The following C11orf65 variants were observed in gnomAD, a reference collection of about 807,000 sequenced individuals.
C11orf65 encodes chromosome 11 open reading frame 65.
Under a neutral mutation model 35.3 loss-of-function variants are expected in C11orf65, and 38 were observed. The ratio of observed to expected loss-of-function variants is 1.08; its 90% CI spans 0.83 to 1.41. The LOEUF (loss-of-function observed/expected upper bound fraction) is 1.41. C11orf65 is among the 40% of genes most tolerant of loss of function. C11orf65 has a pLI of 0.00. For missense variants in C11orf65, 370 were observed against 367.1 expected (o/e 1.01, Z -0.06); for synonymous variants, 105 against 114.4 (o/e 0.92, Z 0.53).
At chr11:108,335,898 T>G in intron 2 of C11orf65, 1 of 1,614,072 alleles carries the variant, frequency 6.2e-7, no homozygotes, top group Non-Finnish European at 8.5e-7. Flanking sequence ...TCCAGATGTG[T>G]AATACATTAC....
intron 6 of C11orf65, among the ~76,000 whole-genome samples, chr11:108,394,368 C>A (rs1390648002): frequency 6.6e-6 from 1 of 152,064 alleles, no homozygotes; most frequent in Non-Finnish European, 1.5e-5. Flanking sequence ...GAGTTTGAGG[C>A]CAGCCTGGGC....
chr11:108,449,135 G>A (rs2093310283), intron 2 of C11orf65, among the ~76,000 whole-genome samples: 1 of 152,076 alleles, frequency 6.6e-6, no homozygotes, highest in Non-Finnish European at 1.5e-5. Context: ...ATATAAAAGA[G>A]GATACAAACA....
At chr11:108,311,027 G>C (rs1341783055) in intron 6 of C11orf65, among the ~76,000 whole-genome samples, 1 of 152,182 alleles carries the variant, frequency 6.6e-6, no homozygotes, top group Non-Finnish European at 1.5e-5. Context: ...TGGTGCAGTG[G>C]TGCGATCATA....
At chr11:108,421,740 A>T (rs1381379871) in intron 3 of C11orf65, among the ~76,000 whole-genome samples, 1 of 152,212 alleles carries the variant, frequency 6.6e-6, no homozygotes. Context: ...GGCCCCAAAA[A>T]GCCACACCAG....
chr11:108,392,763 T>C (rs1258188802), intron 7 of C11orf65, among the ~76,000 whole-genome samples: 2 of 152,208 alleles, frequency 1.3e-5, no homozygotes, highest in East Asian at 3.8e-4. Context: ...TGGGGCTACA[T>C]TAAATATTCT....
chr11:108,428,275 C>T (rs1343580078), intron 3 of C11orf65, among the ~76,000 whole-genome samples: 2 of 152,090 alleles, frequency 1.3e-5, no homozygotes, highest in South Asian at 2.1e-4. Context: ...GATCTAGAAC[C>T]AGAAGTACCA....
intron 2 of C11orf65, among the ~76,000 whole-genome samples, chr11:108,376,677 T>C (rs963264850): frequency 8.6e-5 from 13 of 151,980 alleles, no homozygotes; most frequent in African/African-American, 2.2e-4. Context: ...TTCAAAAAAT[T>C]AATGAATCCA....
chr11:108,316,816 C>A (rs907543359), intron 6 of C11orf65, among the ~76,000 whole-genome samples: 12 of 149,420 alleles, frequency 8.0e-5, no homozygotes, highest in African/African-American at 2.7e-4. Flanking sequence ...GGCCCAGCTA[C>A]TTGGGAGGCT....
chr11:108,308,862 A>G, exon 7 of C11orf65: 1 of 644,666 alleles, frequency 1.6e-6, no homozygotes, highest in Non-Finnish European at 2.7e-6. Context: ...TTAGAGTTTT[A>G]TACCAGATTA....
intron 2 of C11orf65, chr11:108,354,679 C>G: frequency 1.2e-6 from 1 of 833,198 alleles, no homozygotes; most frequent in South Asian, 1.4e-5. Flanking sequence ...AAGTATTATG[C>G]TATTTTGAGA....
intron 8 of C11orf65, 41 bp from the exon 9 acceptor site, chr11:108,383,216 A>G: frequency 6.9e-7 from 1 of 1,457,824 alleles, no homozygotes; most frequent in Non-Finnish European, 9.3e-7. Context: ...TACCAGATAT[A>G]ATAAGATGCT....
intron 2 of C11orf65, among the ~76,000 whole-genome samples, chr11:108,371,537 C>T (rs2091576196): frequency 6.6e-6 from 1 of 152,042 alleles, no homozygotes; most frequent in Non-Finnish European, 1.5e-5. Flanking sequence ...CCTCAAGGTT[C>T]GTCTATGTTG....
rs371625506 is a variant in C11orf65, at chr11:108,406,937, A to T, written c.255T>A (p.Tyr85Ter). ...GGVKFPPDIY[Y>*]KIFTHRPIED... ...CAATAGGTCTGTGAGTAAAAATCTT[A>T]TAGTATATATCAGGTGGAAATTTAA... is the stretch of plus-strand genomic sequence containing the variant. The change falls in exon 5 of 9, where the codon TAT becomes TAA. Residue 85 changes from tyrosine to a stop codon, truncating the protein, a stop_gained. Coordinates refer to ENST00000393084, the MANE Select transcript of C11orf65 (RefSeq NM_152587.5). LOFTEE classifies it high-confidence loss of function. 3.7e-6 allele frequency: 6 copies of T among 1,611,536 alleles called. No homozygotes were observed. The African/African-American group carries it at 8.0e-5, about 22-fold the overall frequency.
chr11:108,330,169 T>C (rs1201895621), downstream of C11orf65: 1 of 1,585,608 alleles, frequency 6.3e-7, no homozygotes, highest in Non-Finnish European at 8.6e-7. Flanking sequence ...GTAGTTCTGT[T>C]AAAGTTCATG....
At chr11:108,457,957 T>C (rs1010354870) in intron 2 of C11orf65, among the ~76,000 whole-genome samples, 2 of 152,080 alleles carry the variant, frequency 1.3e-5, no homozygotes, top group Admixed American at 6.6e-5. Context: ...CTTCACATCT[T>C]AGAACAATTT....
intron 2 of C11orf65, chr11:108,347,235 G>A (rs1231493089): frequency 7.3e-7 from 1 of 1,367,970 alleles, no homozygotes. Context: ...ATTAGAAAGA[G>A]ATGGAATCAG....
At position 108,423,860 on chromosome 11, in the gene C11orf65, A is replaced by G. The variant is rs576258351; in HGVS notation, c.174+7886T>C. On this transcript the variant is annotated intron_variant, in intron 3 of 8. Transcript: ENST00000393084. Reference sequence around the variant, plus strand: ...CTAACAAACAGAAAGGAATAGCATCAACATCAACAAAAAGAACATCCACAC... The same window carrying G: ...CTAACAAACAGAAAGGAATAGCATCGACATCAACAAAAAGAACATCCACAC... Among the ~76,000 whole-genome samples the G allele has an allele frequency of 7.0e-4, 107 of 152,332 alleles. 1 individual carries two copies. The highest frequency in any genetic ancestry group is 2.4e-3 in the African/African-American group (101 of 41,578).
intron 5 of C11orf65, among the ~76,000 whole-genome samples, chr11:108,406,469 C>G (rs1014103340): frequency 6.6e-6 from 1 of 152,050 alleles, no homozygotes; most frequent in South Asian, 2.1e-4. Context: ...TTCAACATAC[C>G]AAATTCTACA....
intron 8 of C11orf65, 33 bp downstream of exon 8, chr11:108,385,887 A>G: frequency 6.3e-7 from 1 of 1,582,674 alleles, no homozygotes; most frequent in Non-Finnish European, 8.7e-7. Context: ...GTTCATGAGA[A>G]TTTCCTATAA....
Sources: gnomAD v4.1 joint callset for allele counts (sites outside exome capture counted in the v4.1 genomes callset) on GRCh38, gnomAD v4.1.1 for gene constraint, MANE v1.5 for transcripts, NCBI Gene and HGNC (gene_info 2026-07-23, HGNC 2026-07-21) for gene names.